Variants in PPARGC1A observed in about 807,000 individuals in gnomAD.
The protein encoded by PPARGC1A is PPARG coactivator 1 alpha.
A neutral mutation model predicts 88.7 loss-of-function variants in PPARGC1A; 25 were observed. That is an observed-to-expected ratio of 0.28 (90% CI 0.21 to 0.39). PPARGC1A has a LOEUF of 0.39. Ranked by LOEUF, PPARGC1A falls within the 10% of genes least tolerant of loss-of-function variation. PPARGC1A has a pLI of 1.00. For missense variants in PPARGC1A, 880 were observed against 968.7 expected (o/e 0.91, Z 1.22); for synonymous variants, 363 against 355.6 (o/e 1.02, Z -0.24).
At chr4:24,159,101 C>G in the PPARGC1A span, among the ~76,000 whole-genome samples, 4 of 151,210 alleles carry the variant, frequency 2.6e-5, no homozygotes, top group Non-Finnish European at 5.9e-5. Context: ...TTTGGACAAG[C>G]ATTTATAAAT....
At position 23,813,706 on chromosome 4, in the gene PPARGC1A, T is replaced by G; in HGVS notation, c.1777A>C (p.Ser593Arg). 1 of 1,599,116 alleles carries G rather than the reference T, an allele frequency of 6.3e-7. No individual in the cohort carries two copies. The highest frequency in any genetic ancestry group is 8.5e-7 in the Non-Finnish European group (1 of 1,171,198). The change falls in exon 8 of 13, where the codon AGT becomes CGT. Residue 593 changes from serine (S) to arginine (R), a missense_variant. By Grantham distance (110) the Ser-to-Arg change is moderately radical. Coordinates refer to ENST00000264867, the MANE Select transcript of PPARGC1A (RefSeq NM_013261.5). ...YSRSRSRSPGSRSSSRSCYYY... is the reference protein window; with the variant it reads ...YSRSRSRSPGRRSSSRSCYYY... Reference sequence around the variant, plus strand: ...AAGGTTTACCTTGAAGAGGATCTACTGCCTGGAGACCTTGATCTTGACCTG... The same window carrying G: ...AAGGTTTACCTTGAAGAGGATCTACGGCCTGGAGACCTTGATCTTGACCTG...
the PPARGC1A span, among the ~76,000 whole-genome samples, chr4:24,014,339 A>G: frequency 2.0e-5 from 3 of 152,224 alleles, no homozygotes; most frequent in Non-Finnish European, 4.4e-5. Flanking sequence ...GGCAGGCGGC[A>G]GCAGGCACAG....
chr4:24,004,349 A>G, the PPARGC1A span, among the ~76,000 whole-genome samples: 6 of 152,326 alleles, frequency 3.9e-5, no homozygotes, highest in African/African-American at 1.4e-4. Context: ...AACAGAAAAA[A>G]CACAGCTTCT....
the PPARGC1A span, among the ~76,000 whole-genome samples, chr4:24,315,818 T>A: frequency 1.3e-5 from 2 of 152,332 alleles, no homozygotes; most frequent in East Asian, 3.9e-4. Context: ...AACTCTTTTC[T>A]AAGGCTCGCA....
chr4:23,938,778 T>G, the PPARGC1A span, among the ~76,000 whole-genome samples: 3 of 152,080 alleles, frequency 2.0e-5, no homozygotes, highest in Admixed American at 6.5e-5. Context: ...GTCAGAGAAA[T>G]AGTGTAGGAC....
chr4:24,252,652 T>A, the PPARGC1A span, among the ~76,000 whole-genome samples: 48 of 152,342 alleles, frequency 3.2e-4, no homozygotes, highest in South Asian at 8.9e-3. Flanking sequence ...GGCCTGGATT[T>A]CCAATGCTCT....
At chr4:23,824,685 C>T (rs934011063) in intron 5 of PPARGC1A, among the ~76,000 whole-genome samples, 177 bp from the exon 6 acceptor site, 10 of 152,082 alleles carry the variant, frequency 6.6e-5, no homozygotes, top group Non-Finnish European at 1.2e-4. Flanking sequence ...AAATTCCAAA[C>T]AGCGTTTGCA....
the PPARGC1A span, among the ~76,000 whole-genome samples, chr4:24,072,671 A>G: frequency 6.6e-6 from 1 of 152,192 alleles, no homozygotes; most frequent in Non-Finnish European, 1.5e-5. Flanking sequence ...CAGATCTTGC[A>G]TGAGATTTAT....
the PPARGC1A span, among the ~76,000 whole-genome samples, chr4:24,426,615 C>T: frequency 2.0e-4 from 31 of 152,228 alleles, no homozygotes; most frequent in Admixed American, 1.7e-3. Context: ...AGATAATAAC[C>T]GGCAGTGACC....
chr4:24,362,770 C>T, the PPARGC1A span, among the ~76,000 whole-genome samples: 7 of 152,258 alleles, frequency 4.6e-5, 1 homozygote, highest in South Asian at 6.2e-4. Context: ...ACAAGAATCC[C>T]GGTTAAGCAC....
At chr4:23,903,738 CCA>C (rs1719699428), upstream of PPARGC1A, among the ~76,000 whole-genome samples, 3 of 152,088 alleles carry the variant, frequency 2.0e-5, no homozygotes. Flanking sequence ...GTCATAATAT[CCA>C]GTCTTCCCAA....
chr4:24,085,584 G>A, the PPARGC1A span, among the ~76,000 whole-genome samples: 3 of 152,142 alleles, frequency 2.0e-5, no homozygotes, highest in Non-Finnish European at 4.4e-5. Flanking sequence ...GCTGTGGAGT[G>A]GCCCTATAAA....
the PPARGC1A span, among the ~76,000 whole-genome samples, chr4:23,941,902 A>G: frequency 2.0e-5 from 3 of 152,140 alleles, no homozygotes; most frequent in Admixed American, 2.0e-4. Flanking sequence ...CTCTACTACT[A>G]AGAATGACTT....
At chr4:24,396,800 A>G in the PPARGC1A span, among the ~76,000 whole-genome samples, 1 of 152,056 alleles carries the variant, frequency 6.6e-6, no homozygotes, top group Non-Finnish European at 1.5e-5. Context: ...TTCCTTCATA[A>G]AAAGGTCCTC....
the PPARGC1A span, among the ~76,000 whole-genome samples, chr4:24,449,666 T>A: frequency 6.6e-6 from 1 of 152,240 alleles, no homozygotes; most frequent in East Asian, 1.9e-4. Flanking sequence ...ACTTTTGTCC[T>A]CCATTTATAA....
chr4:24,272,007 G>C, the PPARGC1A span, among the ~76,000 whole-genome samples: 41 of 152,224 alleles, frequency 2.7e-4, no homozygotes, highest in Admixed American at 2.2e-3. Flanking sequence ...TTCTATTTAA[G>C]GTGGAGGTGT....
At chr4:24,445,101 C>A in the PPARGC1A span, among the ~76,000 whole-genome samples, 1 of 152,014 alleles carries the variant, frequency 6.6e-6, no homozygotes, top group East Asian at 1.9e-4. Flanking sequence ...ACTTGAGCAT[C>A]CCTACACTGA....
At chr4:23,898,933 T>G (rs1718946129) in intron 1 of PPARGC1A, among the ~76,000 whole-genome samples, 1 of 151,362 alleles carries the variant, frequency 6.6e-6, no homozygotes, top group African/African-American at 2.4e-5. Flanking sequence ...TCTCCCAGAT[T>G]CAAGCTATTC....
At chr4:24,089,868 C>T in the PPARGC1A span, among the ~76,000 whole-genome samples, 1 of 152,262 alleles carries the variant, frequency 6.6e-6, no homozygotes, top group African/African-American at 2.4e-5. Flanking sequence ...CTCCAGCTAT[C>T]ACAATGGAAA....
Sources: gnomAD v4.1 joint callset for allele counts (sites outside exome capture counted in the v4.1 genomes callset) on GRCh38, gnomAD v4.1.1 for gene constraint, MANE v1.5 for transcripts, NCBI Gene and HGNC (gene_info 2026-07-23, HGNC 2026-07-21) for gene names.